DPP9: variants seen among roughly 807,000 people sequenced by gnomAD.
The protein encoded by DPP9 is dipeptidyl peptidase 9, also known as dipeptidyl peptidase IV-related protein-2.
A neutral mutation model predicts 110.7 loss-of-function variants in DPP9; 50 were observed. That is an observed-to-expected ratio of 0.45 (90% CI 0.36 to 0.57). DPP9 has a LOEUF of 0.57. Among genes scored for constraint, DPP9 ranks in the 20% least tolerant of loss-of-function variants. The pLI is 0.00. For missense variants in DPP9, 1,022 were observed against 1,217.9 expected (o/e 0.84, Z 2.39); for synonymous variants, 561 against 514.4 (o/e 1.09, Z -1.23).
At chr19:4,708,635 G>A (rs183053014) in intron 4 of DPP9, among the ~76,000 whole-genome samples, 34 of 152,344 alleles carry the variant, frequency 2.2e-4, no homozygotes, top group Admixed American at 4.6e-4. Flanking sequence ...GTCCTTTGCA[G>A]GGACATAGAT....
At position 4,687,001 on chromosome 19, in the gene DPP9, G is replaced by A. The variant is rs1305265302; in HGVS notation, c.1886-1230C>T. 1.3e-5 allele frequency among the ~76,000 whole-genome samples: 2 copies of A among 152,302 alleles called. No homozygotes were observed. Among genetic ancestry groups the A allele is most frequent in the East Asian group, 3.9e-4 (2 of 5,180 alleles). On this transcript the variant is annotated intron_variant, in intron 16 of 21. Coordinates refer to ENST00000262960, the MANE Select transcript of DPP9 (RefSeq NM_139159.5). This position sits in a 1 kb window ranked among gnomAD's most constrained non-coding sequence, Gnocchi z 4.7. ...GCAGTCTTCAAACGTGGCACAGATTGGGAGTTTCGGGAAACAGTGCCTCGT... is the reference window on the plus strand; with the variant it reads ...GCAGTCTTCAAACGTGGCACAGATTAGGAGTTTCGGGAAACAGTGCCTCGT...
rs73543625 is a variant in DPP9 at position 4,699,228 on chromosome 19, T to G, written c.1074+988A>C. On this transcript the variant is annotated intron_variant, in intron 10 of 21. Transcript: ENST00000262960. ...AGAGGTCCTAATCACATTATGTCAT[T>G]TTTGCAAGAGCACACAAGGGCCTCC... Among the ~76,000 whole-genome samples the G allele has an allele frequency of 3.7e-3, 568 of 151,738 alleles. 6 individuals are homozygous for G. The highest frequency in any genetic ancestry group is 0.013 in the African/African-American group (538 of 41,370).
In DPP9 at chr19:4,685,161, G is replaced by A. The variant is rs1484845228; in HGVS notation, c.2032-352C>T. 1.1e-5 allele frequency: 6 copies of A among 546,884 alleles called. No individual in the cohort carries two copies. In the Admixed American group the frequency reaches 1.1e-4, roughly 10 times the overall value. 33.9% of individuals were successfully genotyped at this position (546,884 alleles called of 1,614,324 possible). On this transcript the variant is annotated intron_variant, in intron 17 of 21. Coordinates refer to ENST00000262960, the MANE Select transcript of DPP9 (RefSeq NM_139159.5). This position sits in a 1 kb window ranked among gnomAD's most constrained non-coding sequence, Gnocchi z 5.8. ...GTGCTGAGAAGCCACTCCAGGCCAG[G>A]AGAACTCGCAGTGGTGATGAACCAC...
rs1163414211 is a variant in DPP9 at position 4,675,454 on chromosome 19, C to G, written c.*1110G>C. 6.6e-6 allele frequency: 1 copy of G among 151,406 alleles called. No homozygotes were observed. Among genetic ancestry groups the G allele is most frequent in the Middle Eastern group, 3.1e-3 (1 of 318 alleles). 9.4% of individuals were successfully genotyped at this position (151,406 alleles called of 1,614,324 possible). ...ACCCTGAGGTGGGGATGGTTCAGCT[C>G]CCAACCCCGGAACCCCTGGTGTGTA... On this transcript the variant is annotated 3_prime_UTR_variant, in exon 22 of 22. Transcript: ENST00000262960.
chr19:4,716,418 A>G (rs970555937), intron 3 of DPP9, among the ~76,000 whole-genome samples: 1 of 152,124 alleles, frequency 6.6e-6, no homozygotes, highest in Non-Finnish European at 1.5e-5. Context: ...CAGGAGGATC[A>G]TGAGATCAGC....
chr19:4,715,852 G>A (rs1434022515), intron 3 of DPP9: 1 of 152,248 alleles, frequency 6.6e-6, no homozygotes, highest in African/African-American at 2.4e-5. Flanking sequence ...GGCCGCCGCG[G>A]TGTCACATCT....
chr19:4,688,951 T>G, intron 15 of DPP9, 59 bp from the exon 16 acceptor site: 1 of 1,484,646 alleles, frequency 6.7e-7, no homozygotes, highest in Non-Finnish European at 8.8e-7. Flanking sequence ...TTCCACTGGG[T>G]GCCGACCGCA....
rs2093183408 is a variant in DPP9 at position 4,718,681 on chromosome 19, G to T, written c.56+1170C>A. Among the ~76,000 whole-genome samples the T allele has an allele frequency of 6.6e-6, 1 of 152,148 alleles. No homozygotes were observed. Among genetic ancestry groups the T allele is most frequent in the Admixed American group, 6.5e-5 (1 of 15,272 alleles). ...TTAAGTGTGTGCAGATAAGGGAAGG[G>T]ACACAGATCCCCTTCAGTAACTGAC... On this transcript the variant is annotated intron_variant, in intron 3 of 21. Transcript: ENST00000262960. The surrounding 1 kb of genome is among the most constrained non-coding windows in gnomAD (Gnocchi z 4.3).
intron 21 of DPP9, 27 bp downstream of exon 21, chr19:4,679,808 G>A: frequency 6.5e-7 from 1 of 1,544,680 alleles, no homozygotes; most frequent in Non-Finnish European, 8.8e-7. Flanking sequence ...GCTCGCGGAG[G>A]GGCCGAAGCC....
chr19:4,712,608 A>G (rs1377793799), intron 4 of DPP9, among the ~76,000 whole-genome samples: 2 of 152,164 alleles, frequency 1.3e-5, no homozygotes, highest in Admixed American at 6.6e-5. Flanking sequence ...TACGTGGGCC[A>G]TATGACCTCT....
intron 3 of DPP9, among the ~76,000 whole-genome samples, chr19:4,714,665 T>G (rs1480266681): frequency 6.6e-6 from 1 of 152,164 alleles, no homozygotes; most frequent in African/African-American, 2.4e-5. Context: ...TTGCTAGGAC[T>G]GCAGGTGTGA....
At position 4,685,873 on chromosome 19, in the gene DPP9, AC is replaced by A; in HGVS notation, c.1886-103del. On this transcript the variant is annotated intron_variant, in intron 16 of 21. Coordinates refer to ENST00000262960, the MANE Select transcript of DPP9 (RefSeq NM_139159.5). This position sits in a 1 kb window ranked among gnomAD's most constrained non-coding sequence, Gnocchi z 5.8. ...CAAGCCTTGGAGGGTGGACCAAAGC[AC>A]CCCCTCTTTTCCTGGGCTTCCCGAG... 1 of 1,369,648 alleles carries A rather than the reference AC, an allele frequency of 7.3e-7. No individual in the cohort carries two copies. The highest frequency in any genetic ancestry group is 2.4e-5 in the East Asian group (1 of 41,818). The allele number at this position is 1,369,648 out of a possible 1,614,324, so 84.8% of individuals were successfully genotyped here. A position where few individuals can be genotyped will look rare whatever the true frequency, so the allele number is the denominator to read the frequency against.
At position 4,698,327 on chromosome 19, in the gene DPP9, G is replaced by A. The variant is rs982853550; in HGVS notation, c.1075-676C>T. 1.3e-5 allele frequency among the ~76,000 whole-genome samples: 2 copies of A among 152,206 alleles called. No homozygotes were observed. Among genetic ancestry groups the A allele is most frequent in the Admixed American group, 6.5e-5 (1 of 15,278 alleles). On this transcript the variant is annotated intron_variant, in intron 10 of 21. Transcript: ENST00000262960. This position sits in a 1 kb window ranked among gnomAD's most constrained non-coding sequence, Gnocchi z 4.2. ...TCTCTGGAGGATCAAAGGGAGAAACGGCAGCAGGGCCTCCAGCTCTACCAC... is the reference window on the plus strand; with the variant it reads ...TCTCTGGAGGATCAAAGGGAGAAACAGCAGCAGGGCCTCCAGCTCTACCAC...
In DPP9 at chr19:4,688,828, T is replaced by C; in HGVS notation, c.1814A>G (p.Lys605Arg). The C allele has an allele frequency of 6.6e-7, 1 of 1,507,932 alleles. No individual in the cohort carries two copies. Among genetic ancestry groups the C allele is most frequent in the Non-Finnish European group, 8.8e-7 (1 of 1,141,258 alleles). 93.4% of individuals were successfully genotyped at this position (1,507,932 alleles called of 1,614,324 possible). A position where few individuals can be genotyped will look rare whatever the true frequency, so the allele number is the denominator to read the frequency against. The change falls in exon 16 of 22, where the codon AAG (lysine) becomes AGG (arginine). Residue 605 changes from lysine to arginine, a missense_variant. Coordinates refer to ENST00000262960, the MANE Select transcript of DPP9 (RefSeq NM_139159.5). ...GGGGTCGTCGTCGGGGCCGCTCAGC[T>C]TGTAGACGTGCACGCAGGGCGGCGT... The part of the protein sequence containing the change: ...VSTPPCVHVY[K>R]LSGPDDDPLH...
intron 10 of DPP9, 71 bp from the exon 11 acceptor site, chr19:4,697,722 C>T (rs552759996): frequency 2.6e-4 from 330 of 1,290,406 alleles, no homozygotes; most frequent in African/African-American, 7.9e-4. Flanking sequence ...AAGGCCACTG[C>T]GCTGGGTCCC....
chr19:4,691,318 A>C (rs1277305636), intron 13 of DPP9, among the ~76,000 whole-genome samples: 2 of 152,074 alleles, frequency 1.3e-5, no homozygotes, highest in African/African-American at 2.4e-5. Context: ...TCCAAAAAAA[A>C]AAGAAAAATT....
Position 4,680,542 on chromosome 19 carries a change from T to C in DPP9, c.2475-596A>G, listed in dbSNP as rs192509808. 2.8e-4 allele frequency among the ~76,000 whole-genome samples: 42 copies of C among 150,950 alleles called. 1 individual carries two copies. The East Asian group carries it at 8.0e-3, about 29-fold the overall frequency. On this transcript the variant is annotated intron_variant, in intron 20 of 21. Coordinates refer to ENST00000262960, the MANE Select transcript of DPP9 (RefSeq NM_139159.5). ...GCCTGGGCAACATGGCAAAACCTCA[T>C]CTCTACAAAAATATTTAAAAGTTAG...
At position 4,704,182 on chromosome 19, in the gene DPP9, C is replaced by T. The variant is rs2092454655; in HGVS notation, c.549G>A (p.Gln183=). Residue 183 remains glutamine (Q), a synonymous_variant, in exon 6 of 22, where the codon CAG becomes CAA. Transcript: ENST00000262960. This position sits in a 1 kb window ranked among gnomAD's most constrained non-coding sequence, Gnocchi z 6.0. ...FHSESGLFLF[Q]ASNSLFHCRD... ...GGCAGTGGAAGAGGCTGTTGCTGGCCTGGAAGAGGAAGAGGCCACTCTCGC... is the reference window on the plus strand; with the variant it reads ...GGCAGTGGAAGAGGCTGTTGCTGGCTTGGAAGAGGAAGAGGCCACTCTCGC... 1.2e-6 allele frequency: 2 copies of T among 1,614,018 alleles called. No homozygotes were observed. Among genetic ancestry groups the T allele is most frequent in the Non-Finnish European group, 8.5e-7 (1 of 1,179,902 alleles).
At chr19:4,692,219 AT>A (rs1464492363) in intron 13 of DPP9, among the ~76,000 whole-genome samples, 1 of 152,118 alleles carries the variant, frequency 6.6e-6, no homozygotes, top group East Asian at 1.9e-4. Context: ...TCATGTTTGA[AT>A]TTTCACCAGG....
Sources: allele counts gnomAD v4.1 joint callset (sites outside exome capture counted in the v4.1 genomes callset), GRCh38; gene constraint gnomAD v4.1.1; non-coding constraint Gnocchi (gnomAD v3.1); transcripts MANE v1.5; gene names NCBI Gene and HGNC (gene_info 2026-07-23, HGNC 2026-07-21).